TMED9: variants seen among roughly 807,000 people sequenced by gnomAD.
The protein encoded by TMED9 is transmembrane p24 trafficking protein 9.
A neutral mutation model predicts 30.6 loss-of-function variants in TMED9; 22 were observed. That is an observed-to-expected ratio of 0.72 (90% CI 0.51 to 1.03). TMED9 has a LOEUF of 1.03. TMED9 is among the 50% of genes least tolerant of loss of function. The probability of loss-of-function intolerance (pLI) is 0.00; values close to 1 mark genes in which losing one functional copy is unlikely to be tolerated. For missense variants in TMED9, 251 were observed against 302.1 expected (o/e 0.83, Z 1.25); for synonymous variants, 146 against 122.8 (o/e 1.19, Z -1.25).
chr5:177,592,513 C>G (rs938315717), intron 1 of TMED9, 62 bp from the exon 2 acceptor site: 1 of 1,562,332 alleles, frequency 6.4e-7, no homozygotes, highest in Non-Finnish European at 8.7e-7. Context: ...CGTGCCCAGG[C>G]GGTCGCGGAA....
Position 177,592,284 on chromosome 5 carries a change from A to ACCCTCCTGCTGGTGCTGTGGC in TMED9, c.71_91dup (p.Trp30_Leu31insProLeuLeuLeuValLeuTrp). 1 of 1,611,570 alleles carries ACCCTCCTGCTGGTGCTGTGGC rather than the reference A, an allele frequency of 6.2e-7. No homozygotes were observed. On this transcript the variant is annotated inframe_insertion, in exon 1 of 5. Transcript: ENST00000332598. ...AACCGGGCTGGGTAGAGTGATGCGG[A>ACCCTCCTGCTGGTGCTGTGGC]CCCTCCTGCTGGTGCTGTGGCTGGC... is the stretch of plus-strand genomic sequence containing the variant.
rs1303651142 is a variant in TMED9 at position 177,592,619 on chromosome 5, C to T, written c.229C>T (p.Gln77Ter). 6.2e-7 allele frequency: 1 copy of T among 1,613,842 alleles called. No individual in the cohort carries two copies. The change falls in exon 2 of 5, where the codon CAG becomes TAG. Residue 77 changes from glutamine (Q) to a stop codon, truncating the protein, a stop_gained. Coordinates refer to ENST00000332598, the MANE Select transcript of TMED9 (RefSeq NM_017510.6). LOFTEE classifies it high-confidence loss of function. ...QLYDKQREEY[Q>*]PATPGLGMFV... ...GTATGACAAGCAGCGGGAGGAGTAC[C>T]AGCCGGCCACCCCGGGGCTTGGCAT...
Position 177,597,028 on chromosome 5 carries a change from GGAA to G in TMED9, c.*1617_*1619del, listed in dbSNP as rs375175786. On this transcript the variant is annotated 3_prime_UTR_variant, in exon 5 of 5. Transcript: ENST00000332598. ...TTACAGCAGTGTGTGAGAAAGACCA[GGAA>G]GAAGGAGACAAGTTTGGGGGCTGCT... Among the ~76,000 whole-genome samples the G allele has an allele frequency of 9.8e-5, 15 of 152,286 alleles. No individual in the cohort carries two copies. The East Asian group carries it at 2.5e-3, about 25-fold the overall frequency.
chr5:177,592,690 C>T lies in TMED9; in HGVS notation c.285+15C>T, dbSNP rs765287069. On this transcript the variant is annotated intron_variant, in intron 2 of 4. Transcript: ENST00000332598. ...CAGAGGACAAGGTGAGCCAACCGCC[C>T]CCCTCCTCTCCGCCAGCCTCTCAGC... is the stretch of plus-strand genomic sequence containing the variant. 0.011 allele frequency: 16,492 copies of T among 1,555,056 alleles called. 129 individuals are homozygous for T. The highest frequency in any genetic ancestry group is 0.012 in the Non-Finnish European group (13,817 of 1,143,494).
intron 3 of TMED9, 165 bp downstream of exon 3, chr5:177,593,940 A>T: frequency 8.3e-7 from 1 of 1,204,208 alleles, no homozygotes; most frequent in Non-Finnish European, 1.2e-6. Context: ...AGCTCTTTGT[A>T]CATGCCTCAC....
chr5:177,594,575 A>G (rs1767650664), intron 4 of TMED9, among the ~76,000 whole-genome samples: 2 of 152,120 alleles, frequency 1.3e-5, no homozygotes, highest in Non-Finnish European at 2.9e-5. Flanking sequence ...CAGGGTCTCA[A>G]ACTTACCGGT....
At chr5:177,592,705 AGCCTCTCAGCTAG>A (rs1767613875) in intron 2 of TMED9, 30 bp downstream of exon 2, 2 of 1,512,160 alleles carry the variant, frequency 1.3e-6, no homozygotes, top group African/African-American at 2.7e-5. Context: ...CCTCTCCGCC[AGCCTCTCAGCTAG>A]GCGGGCTCCG....
At chr5:177,593,031 G>A (rs34582406) in intron 2 of TMED9, among the ~76,000 whole-genome samples, 44,395 of 151,688 alleles carry the variant, frequency 0.29, 6,927 homozygotes, top group South Asian at 0.4. Context: ...ATGGCGGGGT[G>A]TGGTGGCTCT....
At position 177,594,232 on chromosome 5, in the gene TMED9, C is replaced by A. The variant is rs1406417802; in HGVS notation, c.505C>A (p.Arg169=). The change falls in exon 4 of 5, where the codon CGA becomes AGA. Residue 169 remains arginine (R), a synonymous_variant. Transcript: ENST00000332598. Reference sequence around the variant, plus strand: ...GTTGAGTGAGTTGCAGCTACGAGTGCGACAGCTGGTGGAACAAGTGGAGCA... The same window carrying A: ...GTTGAGTGAGTTGCAGCTACGAGTGAGACAGCTGGTGGAACAAGTGGAGCA... ...DKLSELQLRV[R]QLVEQVEQIQ... 1 of 1,614,034 alleles carries A rather than the reference C, an allele frequency of 6.2e-7. No individual in the cohort carries two copies.
In TMED9 at chr5:177,594,175, A is replaced by T; in HGVS notation, c.448A>T (p.Asn150Tyr). The T allele has an allele frequency of 6.2e-7, 1 of 1,614,224 alleles. No individual in the cohort carries two copies. Among genetic ancestry groups the T allele is most frequent in the Non-Finnish European group, 8.5e-7 (1 of 1,180,042 alleles). ...GGACATCCAGGTAGGTGAACATGCCAATGACTATGCAGAAATTGCTGCTAA... is the reference window on the plus strand; with the variant it reads ...GGACATCCAGGTAGGTGAACATGCCTATGACTATGCAGAAATTGCTGCTAA... ...HLDIQVGEHA[N>Y]DYAEIAAKDK... The change falls in exon 4 of 5, where the codon AAT becomes TAT. Residue 150 changes from asparagine to tyrosine, a missense_variant. Physicochemically the swap from Asn to Tyr is moderately radical, Grantham distance 143. Coordinates refer to ENST00000332598, the MANE Select transcript of TMED9 (RefSeq NM_017510.6).
Position 177,595,591 on chromosome 5 carries a change from A to G in TMED9, c.*175A>G. On this transcript the variant is annotated 3_prime_UTR_variant, in exon 5 of 5. Transcript: ENST00000332598. The stretch of plus-strand genomic sequence containing the variant: ...GCAGCTTGGCTAATACTGAGCAGGT[A>G]GTGGGGCAAATTCCTGCCCTCTCTC... 1.5e-6 allele frequency: 1 copy of G among 669,718 alleles called. No homozygotes were observed. Among genetic ancestry groups the G allele is most frequent in the South Asian group, 2.5e-5 (1 of 40,776 alleles). The allele number at this position is 669,718 out of a possible 1,614,324, so 41.5% of individuals were successfully genotyped here.
At position 177,595,322 on chromosome 5, in the gene TMED9, G is replaced by T. The variant is rs760435425; in HGVS notation, c.614G>T (p.Trp205Leu). The T allele has an allele frequency of 6.2e-7, 1 of 1,612,314 alleles. No individual in the cohort carries two copies. Residue 205 changes from tryptophan to leucine, a missense_variant, in exon 5 of 5, where the codon TGG (tryptophan) becomes TTG (leucine). By Grantham distance (61) the Trp-to-Leu change is moderately conservative (BLOSUM62 -2). Coordinates refer to ENST00000332598, the MANE Select transcript of TMED9 (RefSeq NM_017510.6). ...TSESTNQRVL[W>L]WSILQTLILV... Reference sequence around the variant, plus strand: ...GAGAGCACCAACCAGCGGGTGCTGTGGTGGTCCATTCTGCAGACCCTCATC... The same window carrying T: ...GAGAGCACCAACCAGCGGGTGCTGTTGTGGTCCATTCTGCAGACCCTCATC...
At chr5:177,592,439 C>CGTG in intron 1 of TMED9, 41 bp downstream of exon 1, 1 of 1,567,372 alleles carries the variant, frequency 6.4e-7, no homozygotes, top group Non-Finnish European at 8.7e-7. Flanking sequence ...GGAACGTGAC[C>CGTG]GTGGTCTTGG....
Position 177,592,265 on chromosome 5 carries a change from G to T in TMED9, c.51G>T (p.Gly17=), listed in dbSNP as rs202238576. The change falls in exon 1 of 5, where the codon GGG becomes GGT. Residue 17 remains glycine, a synonymous_variant. Coordinates refer to ENST00000332598, the MANE Select transcript of TMED9 (RefSeq NM_017510.6). ...VLLVRPRPGT[G]LGRVMRTLLL... Reference sequence around the variant, plus strand: ...TCGTCCGGCCCCGGCCCGGAACCGGGCTGGGTAGAGTGATGCGGACCCTCC... The same window carrying T: ...TCGTCCGGCCCCGGCCCGGAACCGGTCTGGGTAGAGTGATGCGGACCCTCC... The T allele has an allele frequency of 8.9e-5, 143 of 1,611,754 alleles. No homozygotes were observed. Among genetic ancestry groups the T allele is most frequent in the Non-Finnish European group, 8.5e-6 (10 of 1,179,118 alleles).
chr5:177,592,304 G>A lies in TMED9; in HGVS notation c.90G>A (p.Trp30Ter). Residue 30 changes from tryptophan (W) to a stop codon, truncating the protein, a stop_gained, in exon 1 of 5, where the codon TGG becomes TGA. Transcript: ENST00000332598. LOFTEE classifies it high-confidence loss of function. ...TGCGGACCCTCCTGCTGGTGCTGTG[G>A]CTGGCGACGCGCGGAAGCGCGCTCT... is the stretch of plus-strand genomic sequence containing the variant. ...RVMRTLLLVL[W>*]LATRGSALYF... 1 of 1,608,658 alleles carries A rather than the reference G, an allele frequency of 6.2e-7. No homozygotes were observed. Among genetic ancestry groups the A allele is most frequent in the Non-Finnish European group, 8.5e-7 (1 of 1,177,690 alleles).
rs1767633686 is a variant in TMED9 at position 177,593,673 on chromosome 5, C to T, written c.309C>T (p.Gly103=). 6 of 1,614,100 alleles carry T rather than the reference C, an allele frequency of 3.7e-6. No homozygotes were observed. Among genetic ancestry groups the T allele is most frequent in the Non-Finnish European group, 5.1e-6 (6 of 1,180,050 alleles). Residue 103 remains glycine (G), a synonymous_variant, in exon 3 of 5, where the codon GGC becomes GGT. Transcript: ENST00000332598. ...EDKVILARQY[G]SEGRFTFTSH... ...AGGTCATCCTGGCCCGGCAGTATGG[C>T]TCCGAGGGCAGGTTCACTTTCACTT...
rs920107305 is a variant in TMED9, at chr5:177,596,571, CAG to C, written c.*1156_*1157del. ...ATTCTGCTGGAAGGAGATGGCAGGA[CAG>C]GGGTGGTTGGAGAAGTGGAGGCAAA... is the stretch of plus-strand genomic sequence containing the variant. On this transcript the variant is annotated 3_prime_UTR_variant, in exon 5 of 5. Transcript: ENST00000332598. Among the ~76,000 whole-genome samples, 3 of 152,074 alleles carry C rather than the reference CAG, an allele frequency of 2.0e-5. No homozygotes were observed. The highest frequency in any genetic ancestry group is 7.2e-5 in the African/African-American group (3 of 41,398).
intron 4 of TMED9, among the ~76,000 whole-genome samples, chr5:177,594,885 G>GC (rs991548333): frequency 1.3e-5 from 2 of 152,154 alleles, no homozygotes; most frequent in African/African-American, 2.4e-5. Context: ...GCCAGATCCA[G>GC]CCCCCAGCCT....
At position 177,595,350 on chromosome 5, in the gene TMED9, C is replaced by G. The variant is rs370667269; in HGVS notation, c.642C>G (p.Leu214=). 1 of 1,613,200 alleles carries G rather than the reference C, an allele frequency of 6.2e-7. No individual in the cohort carries two copies. The highest frequency in any genetic ancestry group is 8.5e-7 in the Non-Finnish European group (1 of 1,179,386). The change falls in exon 5 of 5, where the codon CTC becomes CTG. Residue 214 remains leucine (L), a synonymous_variant. Transcript: ENST00000332598. ...GGTCCATTCTGCAGACCCTCATCCT[C>G]GTGGCCATCGGTGTCTGGCAGATGC... ...LWWSILQTLI[L]VAIGVWQMRH... is the part of the protein sequence containing the mutation.
Sources: allele counts gnomAD v4.1 joint callset (sites outside exome capture counted in the v4.1 genomes callset), GRCh38; gene constraint gnomAD v4.1.1; transcripts MANE v1.5; gene names NCBI Gene and HGNC (gene_info 2026-07-23, HGNC 2026-07-21).